Variants in TBC1D22A observed in about 807,000 individuals in gnomAD.
The protein encoded by TBC1D22A is putative GTPase activator.
A neutral mutation model predicts 60.2 loss-of-function variants in TBC1D22A; 38 were observed. That is an observed-to-expected ratio of 0.63 (90% CI 0.49 to 0.83). The LOEUF is 0.83. TBC1D22A is among the 40% of genes least tolerant of loss of function. The probability of loss-of-function intolerance (pLI) is 0.00; values close to 1 mark genes in which losing one functional copy is unlikely to be tolerated. For missense variants in TBC1D22A, 628 were observed against 701.0 expected (o/e 0.90, Z 1.18); for synonymous variants, 302 against 281.7 (o/e 1.07, Z -0.72).
intron 12 of TBC1D22A, among the ~76,000 whole-genome samples, chr22:47,140,968 A>T (rs2147142410): frequency 6.6e-6 from 1 of 152,372 alleles, no homozygotes; most frequent in East Asian, 1.9e-4. Context: ...CATGTATGTT[A>T]GTCCATTTTC....
rs995229422 is a variant in TBC1D22A at position 47,009,638 on chromosome 22, C to T, written c.1201+11929C>T. Among the ~76,000 whole-genome samples the T allele has an allele frequency of 6.6e-6, 1 of 151,986 alleles. No individual in the cohort carries two copies. The highest frequency in any genetic ancestry group is 2.1e-4 in the South Asian group (1 of 4,808). On this transcript the variant is annotated intron_variant, in intron 10 of 12. Coordinates refer to ENST00000337137, the MANE Select transcript of TBC1D22A (RefSeq NM_014346.5). This position sits in a 1 kb window ranked among gnomAD's most constrained non-coding sequence, Gnocchi z 5.8. ...ATTACTATCACCATCATTTCATCAC[C>T]GTCATCATTACCATCATCACCATCA... is the stretch of plus-strand genomic sequence containing the variant.
chr22:46,869,688 A>G (rs114359841), intron 4 of TBC1D22A, among the ~76,000 whole-genome samples: 1 of 152,218 alleles, frequency 6.6e-6, no homozygotes, highest in Non-Finnish European at 1.5e-5. Context: ...GCCTAGAACC[A>G]CATGTAAGCC....
intron 11 of TBC1D22A, among the ~76,000 whole-genome samples, chr22:47,081,733 G>T (rs375629368): frequency 1.3e-5 from 2 of 151,960 alleles, no homozygotes; most frequent in Middle Eastern, 3.2e-3. Flanking sequence ...AAATACTTAG[G>T]GATAAATTTA....
chr22:46,979,442 G>A (rs1169412666), intron 9 of TBC1D22A, among the ~76,000 whole-genome samples: 2 of 152,154 alleles, frequency 1.3e-5, no homozygotes, highest in Admixed American at 6.5e-5. Context: ...TCATGTAAAC[G>A]TGATGTTTCT....
chr22:47,010,869 C>A (rs1006387621), intron 10 of TBC1D22A, among the ~76,000 whole-genome samples: 1 of 152,188 alleles, frequency 6.6e-6, no homozygotes, highest in East Asian at 1.9e-4. Flanking sequence ...TTCATGTAAA[C>A]CCAAAAATAA....
intron 11 of TBC1D22A, among the ~76,000 whole-genome samples, chr22:47,091,374 T>TGGCTGCG (rs2064962407): frequency 2.2e-5 from 2 of 92,400 alleles, no homozygotes; most frequent in African/African-American, 8.7e-5. Context: ...CGCAGAGGGG[T>TGGCTGCG]TGTTGATAGA....
intron 5 of TBC1D22A, among the ~76,000 whole-genome samples, chr22:46,889,833 G>A (rs980244019): frequency 6.6e-6 from 1 of 152,204 alleles, no homozygotes; most frequent in Non-Finnish European, 1.5e-5. Flanking sequence ...GGCCAGGGCT[G>A]GGATGGACTG....
At chr22:46,852,611 C>T (rs907627877) in intron 4 of TBC1D22A, among the ~76,000 whole-genome samples, 2 of 152,158 alleles carry the variant, frequency 1.3e-5, no homozygotes, top group African/African-American at 4.8e-5. Flanking sequence ...TCCACGAGGC[C>T]TCTGCCTTTG....
chr22:47,036,355 C>A (rs979047159), intron 10 of TBC1D22A, among the ~76,000 whole-genome samples: 2 of 152,180 alleles, frequency 1.3e-5, no homozygotes, highest in African/African-American at 4.8e-5. Flanking sequence ...GGAGTGACAC[C>A]GCCAGGACTC....
intron 1 of TBC1D22A, among the ~76,000 whole-genome samples, chr22:46,767,024 A>T (rs1411920803): frequency 1.3e-5 from 2 of 152,162 alleles, no homozygotes; most frequent in Non-Finnish European, 2.9e-5. Flanking sequence ...GTTTATTCCG[A>T]ACTATCTCCT....
chr22:46,787,405 C>A (rs1213216231), intron 1 of TBC1D22A, among the ~76,000 whole-genome samples: 1 of 152,152 alleles, frequency 6.6e-6, no homozygotes, highest in Admixed American at 6.5e-5. Flanking sequence ...CCGGCCAGTG[C>A]ATGTGGCGGC....
intron 11 of TBC1D22A, among the ~76,000 whole-genome samples, chr22:47,076,165 A>G (rs1249075958): frequency 6.6e-6 from 1 of 152,016 alleles, no homozygotes; most frequent in Admixed American, 6.6e-5. Context: ...GGCATAGAAG[A>G]TTACAACAGT....
chr22:47,142,221 C>A (rs1452298720), intron 12 of TBC1D22A, among the ~76,000 whole-genome samples: 1 of 146,666 alleles, frequency 6.8e-6, no homozygotes, highest in Non-Finnish European at 1.5e-5. Flanking sequence ...CACCCACCCA[C>A]CCATTCACCC....
chr22:47,027,000 A>C (rs1407642204), intron 10 of TBC1D22A, among the ~76,000 whole-genome samples: 1 of 152,204 alleles, frequency 6.6e-6, no homozygotes, highest in East Asian at 1.9e-4. Context: ...TGTTCACATT[A>C]GCTGATTTCA....
At chr22:46,953,097 G>C (rs1468348309) in intron 8 of TBC1D22A, among the ~76,000 whole-genome samples, 2 of 152,160 alleles carry the variant, frequency 1.3e-5, no homozygotes, top group East Asian at 3.8e-4. Flanking sequence ...TCACTTCCTT[G>C]AGGGGAGAGC....
chr22:47,019,265 G>A (rs1466629706), intron 10 of TBC1D22A, among the ~76,000 whole-genome samples: 1 of 152,230 alleles, frequency 6.6e-6, no homozygotes, highest in Non-Finnish European at 1.5e-5. Flanking sequence ...CCAGCCTGGT[G>A]GCTTCCGGAT....
intron 11 of TBC1D22A, among the ~76,000 whole-genome samples, chr22:47,055,896 G>GGTGAGATACGCCACTGAGCGTCA (rs1569397825): frequency 4.2e-4 from 63 of 150,716 alleles, no homozygotes; most frequent in Admixed American, 7.9e-4. Context: ...ACTGAGGGTC[G>GGTGAGATACGCCACTGAGCGTCA]GTGAGATACG....
chr22:47,018,824 C>T (rs539532387), intron 10 of TBC1D22A, among the ~76,000 whole-genome samples: 2 of 152,266 alleles, frequency 1.3e-5, no homozygotes, highest in East Asian at 3.9e-4. Flanking sequence ...CGAGTGGAAA[C>T]ACGGGATCCT....
At position 46,979,679 on chromosome 22, in the gene TBC1D22A, G is replaced by A. The variant is rs2074438069; in HGVS notation, c.1125+5280G>A. On this transcript the variant is annotated intron_variant, in intron 9 of 12. Transcript: ENST00000337137. ...TTTGCTTTCACACCATGAGCGTGTGGTATTGGGAACACAGTGACGGTTGAG... is the reference window on the plus strand; with the variant it reads ...TTTGCTTTCACACCATGAGCGTGTGATATTGGGAACACAGTGACGGTTGAG... Among the ~76,000 whole-genome samples, 3 of 152,336 alleles carry A rather than the reference G, an allele frequency of 2.0e-5. No homozygotes were observed. The South Asian group carries it at 6.2e-4, about 32-fold the overall frequency.
Sources: allele counts gnomAD v4.1 joint callset (sites outside exome capture counted in the v4.1 genomes callset), GRCh38; gene constraint gnomAD v4.1.1; non-coding constraint Gnocchi (gnomAD v3.1); transcripts MANE v1.5; gene names NCBI Gene and HGNC (gene_info 2026-07-23, HGNC 2026-07-21).